Variants in NEBL observed in about 807,000 individuals in gnomAD.
NEBL encodes the protein nebulette, also known as LIM and SH3 protein 2.
Under a neutral mutation model 140.2 loss-of-function variants are expected in NEBL, and 122 were observed. The ratio of observed to expected loss-of-function variants is 0.87; its 90% CI spans 0.75 to 1.01. The LOEUF is 1.01. Ranked by LOEUF, NEBL falls within the 50% of genes least tolerant of loss-of-function variation. The pLI is 0.00. For missense variants in NEBL, 1,365 were observed against 1,231.3 expected, an observed-to-expected ratio of 1.11 and a Z score of -1.62; for synonymous variants, 436 against 398.9, an observed-to-expected ratio of 1.09 and a Z score of -1.11.
chr10:20,814,029 C>G lies in NEBL; in HGVS notation c.2256G>C (p.Gln752His), dbSNP rs1229200395. The G allele has an allele frequency of 6.2e-7, 1 of 1,601,540 alleles. No individual in the cohort carries two copies. The highest frequency in any genetic ancestry group is 8.6e-7 in the Non-Finnish European group (1 of 1,168,888). The stretch of plus-strand genomic sequence containing the variant: ...GTCTACCTTTCATCTGTTTATGGTC[C>G]TGGGTATATTTTACCTGCAAAGTAA... Reference protein sequence around the residue: ...QENISSVKYTQDHKQMKGRPS... With the variant: ...QENISSVKYTHDHKQMKGRPS... Residue 752 changes from glutamine to histidine, a missense_variant, in exon 23 of 28, where the codon CAG becomes CAC. By Grantham distance (24) the Gln-to-His change is conservative. Coordinates refer to ENST00000377122, the MANE Select transcript of NEBL (RefSeq NM_006393.3).
intron 3 of NEBL, among the ~76,000 whole-genome samples, chr10:20,999,589 A>G (rs1250857520): frequency 6.6e-6 from 1 of 152,156 alleles, no homozygotes; most frequent in African/African-American, 2.4e-5. Flanking sequence ...ACAGAGTGAG[A>G]CCCTGTCTCA....
intron 3 of NEBL, among the ~76,000 whole-genome samples, chr10:21,005,085 C>G (rs893829191): frequency 6.6e-6 from 1 of 152,160 alleles, no homozygotes; most frequent in African/African-American, 2.4e-5. Flanking sequence ...CCATTTTGCA[C>G]GCTCACAACC....
At chr10:21,072,962 G>A (rs1161877242) in intron 2 of NEBL, among the ~76,000 whole-genome samples, 1 of 152,140 alleles carries the variant, frequency 6.6e-6, no homozygotes, top group Non-Finnish European at 1.5e-5. Flanking sequence ...CTGTACAACA[G>A]CCTGGGCAAT....
rs185628774 is a variant in NEBL, at chr10:21,267,706, G to T, written n.183-15878C>A. Among the ~76,000 whole-genome samples, 275 of 152,276 alleles carry T rather than the reference G, an allele frequency of 1.8e-3. 2 individuals carry two copies. Among genetic ancestry groups the T allele is most frequent in the African/African-American group, 6.0e-3 (251 of 41,552 alleles). On this transcript the variant is annotated intron_variant and non_coding_transcript_variant, in intron 1 of 8. Coordinates refer to the NEBL transcript ENST00000675702. The stretch of plus-strand genomic sequence containing the variant: ...ATCTAAAACTGCATGGTCCAATATG[G>T]CAACCATCAGCCACATAATGCTATT...
chr10:21,085,154 T>C (rs568760322), intron 2 of NEBL, among the ~76,000 whole-genome samples: 19 of 152,350 alleles, frequency 1.2e-4, no homozygotes, highest in Non-Finnish European at 1.3e-4. Flanking sequence ...TTGATTTTCA[T>C]GTGAGGACCC....
chr10:21,120,336 C>T (rs1157849114), intron 2 of NEBL, among the ~76,000 whole-genome samples: 1 of 137,154 alleles, frequency 7.3e-6, no homozygotes, highest in Non-Finnish European at 1.5e-5. Context: ...GATAGCACAA[C>T]TGCACTCAAG....
At chr10:21,015,882 A>C (rs957997656) in intron 3 of NEBL, among the ~76,000 whole-genome samples, 1 of 152,216 alleles carries the variant, frequency 6.6e-6, no homozygotes, top group South Asian at 2.1e-4. Flanking sequence ...CCTAATTTAC[A>C]AAGAGTTTGT....
At chr10:21,015,747 A>G (rs1027616753) in intron 3 of NEBL, among the ~76,000 whole-genome samples, 2 of 152,172 alleles carry the variant, frequency 1.3e-5, no homozygotes, top group Non-Finnish European at 2.9e-5. Flanking sequence ...TCCTAGCCTC[A>G]AGCAATCCTG....
chr10:21,156,880 C>T (rs1564530494), intron 2 of NEBL, among the ~76,000 whole-genome samples: 1 of 152,078 alleles, frequency 6.6e-6, no homozygotes, highest in Non-Finnish European at 1.5e-5. Flanking sequence ...ATGAGTTTTT[C>T]CCCCTTCTTT....
intron 2 of NEBL, among the ~76,000 whole-genome samples, chr10:21,074,305 T>A (rs1463135516): frequency 1.3e-5 from 2 of 152,012 alleles, no homozygotes; most frequent in African/African-American, 2.4e-5. Flanking sequence ...TCTCTTTAGA[T>A]CTAGGCTTCA....
At chr10:21,186,516 A>G (rs1458039248) in intron 3 of NEBL, among the ~76,000 whole-genome samples, 1 of 152,178 alleles carries the variant, frequency 6.6e-6, no homozygotes, top group African/African-American at 2.4e-5. Flanking sequence ...GTATTTGCAT[A>G]TAACCTACAC....
At position 21,123,821 on chromosome 10, in the gene NEBL, TTGTATA is replaced by T. The variant is rs531986595; in HGVS notation, c.164+48556_164+48561del. On this transcript the variant is annotated intron_variant, in intron 2 of 6. Coordinates refer to the NEBL transcript ENST00000417816. Reference sequence around the variant, plus strand: ...ATAAATATACATAATCTCCAATTGGTTGTATATGTATATGTATATCTCCAACCAATC... The same window carrying T: ...ATAAATATACATAATCTCCAATTGGTTGTATATGTATATCTCCAACCAATC... Among the ~76,000 whole-genome samples, 81 of 150,904 alleles carry T rather than the reference TTGTATA, an allele frequency of 5.4e-4. 1 individual carries two copies. The highest frequency in any genetic ancestry group is 1.5e-3 in the Admixed American group (23 of 15,112).
chr10:20,962,133 T>TTA (rs753979593), intron 3 of NEBL, among the ~76,000 whole-genome samples: 48 of 152,318 alleles, frequency 3.2e-4, no homozygotes, highest in Middle Eastern at 3.4e-3. Flanking sequence ...TCCATAATAG[T>TTA]TATTATGATT....
intron 1 of NEBL, among the ~76,000 whole-genome samples, chr10:21,290,868 C>G (rs1843132993): frequency 6.6e-6 from 1 of 152,192 alleles, no homozygotes; most frequent in African/African-American, 2.4e-5. Flanking sequence ...TTCCTTGAGT[C>G]TCATAGTTTT....
intron 2 of NEBL, among the ~76,000 whole-genome samples, chr10:21,052,711 G>T (rs1027579871): frequency 5.3e-5 from 8 of 152,096 alleles, no homozygotes; most frequent in Admixed American, 6.5e-5. Flanking sequence ...GAGCAGTGCC[G>T]CTCCACCCCT....
At chr10:21,000,144 G>A (rs1054376121) in intron 3 of NEBL, among the ~76,000 whole-genome samples, 17 of 141,586 alleles carry the variant, frequency 1.2e-4, no homozygotes, top group Non-Finnish European at 2.1e-4. Flanking sequence ...CTAGGGCAAG[G>A]AAAAAGCCAG....
chr10:20,872,504 G>A (rs1049532885), intron 5 of NEBL, among the ~76,000 whole-genome samples: 2 of 152,098 alleles, frequency 1.3e-5, no homozygotes, highest in Admixed American at 6.6e-5. Context: ...TTCTCACACA[G>A]ATTCCTACAC....
intron 2 of NEBL, among the ~76,000 whole-genome samples, chr10:21,028,254 A>AAAAAAAGAAGAAGAAGAAGAAGAAG (rs1554819372): frequency 1.4e-5 from 1 of 70,328 alleles, no homozygotes; most frequent in Non-Finnish European, 2.7e-5. Flanking sequence ...AAAAAAAAAA[A>AAAAAAAGAAGAAGAAGAAGAAGAAG]AAGAAGAAGA....
chr10:20,929,260 AAT>A lies in NEBL; in HGVS notation c.357+32410_357+32411del, dbSNP rs57452633. Among the ~76,000 whole-genome samples, 373 of 148,612 alleles carry A rather than the reference AAT, an allele frequency of 2.5e-3. 5 individuals are homozygous for A. Among genetic ancestry groups the A allele is most frequent in the African/African-American group, 7.3e-3 (297 of 40,782 alleles). On this transcript the variant is annotated intron_variant, in intron 4 of 6. Transcript: ENST00000417816. ...GGATAAAGAAAATGTGAGAGATATA[AAT>A]ATATATATATATATATTCCTATCAC...
Sources: gnomAD v4.1 joint callset for allele counts (sites outside exome capture counted in the v4.1 genomes callset) on GRCh38, gnomAD v4.1.1 for gene constraint, MANE v1.5 for transcripts, NCBI Gene and HGNC (gene_info 2026-07-23, HGNC 2026-07-21) for gene names.